Variants in TIAM2 observed in about 807,000 individuals in gnomAD.
TIAM2 encodes rho guanine nucleotide exchange factor TIAM2.
A neutral mutation model predicts 152.9 loss-of-function variants in TIAM2; 80 were observed. The ratio of observed to expected loss-of-function variants is 0.52; its 90% confidence interval spans 0.44 to 0.63. The LOEUF is 0.63. Ranked by LOEUF, TIAM2 falls within the 30% of genes least tolerant of loss-of-function variation. TIAM2 has a pLI of 0.00. For synonymous variants in TIAM2, 804 were observed against 838.0 expected (o/e 0.96, Z 0.70); for missense variants, 1,965 against 2,120.1 (o/e 0.93, Z 1.44).
At chr6:155,067,628 G>A (rs987642957) in intron 1 of TIAM2, among the ~76,000 whole-genome samples, 4 of 117,690 alleles carry the variant, frequency 3.4e-5, no homozygotes, top group Non-Finnish European at 7.4e-5. Flanking sequence ...TGAGGGTTAG[G>A]GATGATGATG....
At chr6:155,041,047 A>G (rs1202341233) in intron 1 of TIAM2, among the ~76,000 whole-genome samples, 1 of 151,978 alleles carries the variant, frequency 6.6e-6, no homozygotes, top group African/African-American at 2.4e-5. Flanking sequence ...TTTTGGATGT[A>G]GATTTCAGTG....
chr6:155,086,887 A>G (rs1279298866), intron 1 of TIAM2, among the ~76,000 whole-genome samples: 2 of 152,188 alleles, frequency 1.3e-5, no homozygotes, highest in African/African-American at 4.8e-5. Flanking sequence ...TTAAGCACCC[A>G]TGAGTAAGGA....
In TIAM2 at chr6:155,032,602, G is replaced by A. The variant is rs140944994; in HGVS notation, c.-209+37110G>A. On this transcript the variant is annotated intron_variant, in intron 1 of 26. Coordinates refer to ENST00000682666, the MANE Select transcript of TIAM2 (RefSeq NM_012454.4). ...GTTGCCCAGGCTGGAGTGCAGTGGC[G>A]TGATCTCGGCTCACTGCAACCTCTA... 4.3e-4 allele frequency among the ~76,000 whole-genome samples: 65 copies of A among 152,156 alleles called. 1 individual carries two copies. The East Asian group carries it at 7.3e-3, about 17-fold the overall frequency.
intron 15 of TIAM2, among the ~76,000 whole-genome samples, chr6:155,226,728 A>G (rs1696494099): frequency 6.6e-6 from 1 of 152,232 alleles, no homozygotes; most frequent in Admixed American, 6.5e-5. Context: ...AATGCTTAAA[A>G]AAATCTTTAA....
chr6:155,126,435 A>G (rs1367808699), intron 2 of TIAM2, among the ~76,000 whole-genome samples: 1 of 152,174 alleles, frequency 6.6e-6, no homozygotes, highest in African/African-American at 2.4e-5. Flanking sequence ...TGTACATTTA[A>G]AAATGGGTAA....
Position 155,144,715 on chromosome 6 carries a change from G to T in TIAM2, c.1740G>T (p.Glu580Asp). The T allele has an allele frequency of 6.2e-7, 1 of 1,611,392 alleles. No homozygotes were observed. Among genetic ancestry groups the T allele is most frequent in the Non-Finnish European group, 8.5e-7 (1 of 1,179,014 alleles). Residue 580 changes from glutamate to aspartate, a missense_variant, in exon 6 of 27, where the codon GAG becomes GAT. Coordinates refer to ENST00000682666, the MANE Select transcript of TIAM2 (RefSeq NM_012454.4). The part of the protein sequence containing the change: ...AEDSIVQSVP[E>D]HPKKENVFCL... ...ACAGCATAGTGCAGTCTGTTCCAGA[G>T]CATCCCAAGAAAGAAAATGTGTTCT...
In TIAM2 at chr6:155,137,056, C is replaced by A. The variant is rs1204782379; in HGVS notation, c.1195-121C>A. 4 of 1,075,862 alleles carry A rather than the reference C, an allele frequency of 3.7e-6. No individual in the cohort carries two copies. In the East Asian group the frequency reaches 7.7e-5, roughly 21 times the overall value. The allele number at this position is 1,075,862 out of a possible 1,614,324, so 66.6% of individuals were successfully genotyped here. A position where few individuals can be genotyped will look rare whatever the true frequency, so the allele number is the denominator to read the frequency against. On this transcript the variant is annotated intron_variant, in intron 4 of 26. Transcript: ENST00000682666. The stretch of plus-strand genomic sequence containing the variant: ...GATGGTTAAAGATGTATTTTTGTTA[C>A]AAGAATCTTGCTTTGCATTACATTA...
Position 155,227,888 on chromosome 6 carries a change from C to T in TIAM2, c.3169-12642C>T, listed in dbSNP as rs116065850. On this transcript the variant is annotated intron_variant, in intron 15 of 26. Transcript: ENST00000682666. ...CACATCTAAGATGCCCAAGGAGTGT[C>T]GGCAAGGAACTGGAATGGGCGCAAC... 8.3e-3 allele frequency among the ~76,000 whole-genome samples: 1,264 copies of T among 152,244 alleles called. 16 individuals are homozygous for T. Among genetic ancestry groups the T allele is most frequent in the African/African-American group, 0.029 (1,184 of 41,520 alleles).
rs553538097 is a variant in TIAM2 at position 155,079,175 on chromosome 6, C to T, written c.-208-11114C>T. On this transcript the variant is annotated intron_variant, in intron 1 of 26. Coordinates refer to ENST00000682666, the MANE Select transcript of TIAM2 (RefSeq NM_012454.4). ...CTCCTGGGTTCAAGCGATTCTCCCA[C>T]GTCAGCCTCCCGAGTAGCAGGGATT... Among the ~76,000 whole-genome samples the T allele has an allele frequency of 2.6e-4, 40 of 152,218 alleles. No individual in the cohort carries two copies. In the South Asian group the frequency reaches 4.6e-3, roughly 17 times the overall value.
chr6:155,186,742 A>G lies in TIAM2; in HGVS notation c.3064+3242A>G, dbSNP rs1781051690. On this transcript the variant is annotated intron_variant, in intron 14 of 26. Transcript: ENST00000682666. This position sits in a 1 kb window ranked among gnomAD's most constrained non-coding sequence, Gnocchi z 4.5. ...TGATTTACTTTTGCAATGAATTAGA[A>G]AACAGTAATCCCATTTTTTAACTAA... Among the ~76,000 whole-genome samples the G allele has an allele frequency of 6.6e-6, 1 of 152,184 alleles. No individual in the cohort carries two copies. Among genetic ancestry groups the G allele is most frequent in the Non-Finnish European group, 1.5e-5 (1 of 68,036 alleles).
At chr6:155,084,986 C>T (rs553574867) in intron 1 of TIAM2, among the ~76,000 whole-genome samples, 282 of 152,240 alleles carry the variant, frequency 1.9e-3, no homozygotes, top group African/African-American at 6.1e-3. Context: ...GAAATCTCTA[C>T]GGGCCCTGAG....
intron 2 of TIAM2, among the ~76,000 whole-genome samples, chr6:155,119,998 C>G (rs1583200524): frequency 6.6e-6 from 1 of 152,300 alleles, no homozygotes; most frequent in East Asian, 1.9e-4. Flanking sequence ...AACAATGGGC[C>G]ACGACCCACG....
chr6:155,253,129 A>C, intron 24 of TIAM2, 76 bp downstream of exon 24: 2 of 1,267,154 alleles, frequency 1.6e-6, no homozygotes, highest in African/African-American at 1.5e-5. Flanking sequence ...TTAAGAAAGG[A>C]CCTTGGGGAT....
Position 155,130,156 on chromosome 6 carries a change from C to G in TIAM2, c.933C>G (p.Leu311=), listed in dbSNP as rs771959007. 6.2e-7 allele frequency: 1 copy of G among 1,614,186 alleles called. No homozygotes were observed. The highest frequency in any genetic ancestry group is 1.7e-5 in the Admixed American group (1 of 60,034). The change falls in exon 4 of 27, where the codon CTC becomes CTG. Residue 311 remains leucine (L), a synonymous_variant. Transcript: ENST00000682666. ...ACAAAGATGCCAACCTGGGGAGCCT[C>G]TCCCCCTCAGGTATCCGCCTTTCTG... ...ELYKDANLGS[L]SPSGIRLSDE...
At chr6:155,065,844 G>A (rs1208893238) in intron 1 of TIAM2, among the ~76,000 whole-genome samples, 3 of 152,154 alleles carry the variant, frequency 2.0e-5, no homozygotes, top group African/African-American at 7.2e-5. Flanking sequence ...TTTCAGCATG[G>A]TGTCCCTGGT....
chr6:155,253,605 T>G, intron 24 of TIAM2: 1 of 187,060 alleles, frequency 5.3e-6, no homozygotes, highest in Non-Finnish European at 1.1e-5. Context: ...AATGACCACA[T>G]TTGGGGCAGG....
At chr6:155,237,163 T>C (rs1782806144) in intron 15 of TIAM2, among the ~76,000 whole-genome samples, 1 of 152,178 alleles carries the variant, frequency 6.6e-6, no homozygotes, top group Admixed American at 6.5e-5. Context: ...TGGGAGAAAT[T>C]GGCCAAAATA....
In TIAM2 at chr6:155,183,409, CT is replaced by C; in HGVS notation, c.2974del (p.Ser992ProfsTer42). ...CATCCTGGTCAGACAGTGACCTGTT[CT>C]CCAGGGACCAGAAGAGTCTGCTGCC... ...CTSWSDSDLF[S>X]RDQKSLLPPP... On this transcript the variant is annotated frameshift_variant, in exon 14 of 27. Transcript: ENST00000682666. LOFTEE classifies it high-confidence loss of function. 6.2e-7 allele frequency: 1 copy of C among 1,614,184 alleles called. No homozygotes were observed.
intron 1 of TIAM2, among the ~76,000 whole-genome samples, chr6:155,056,819 C>A (rs1777462649): frequency 6.6e-6 from 1 of 151,738 alleles, no homozygotes; most frequent in Non-Finnish European, 1.5e-5. Context: ...ATTCGATTCT[C>A]ATTTCCTCTC....
Sources: gnomAD v4.1 joint callset for allele counts (sites outside exome capture counted in the v4.1 genomes callset) on GRCh38, gnomAD v4.1.1 for gene constraint, Gnocchi (gnomAD v3.1) non-coding constraint, MANE v1.5 for transcripts, NCBI Gene and HGNC (gene_info 2026-07-23, HGNC 2026-07-21) for gene names.